The following PLCH1 variants were observed in gnomAD, a reference collection of about 807,000 sequenced individuals.
The protein encoded by PLCH1 is phospholipase C eta 1.
PLCH1 carries 60 observed loss-of-function variants against 126.7 expected under a neutral mutation model. The ratio of observed to expected loss-of-function variants is 0.47; its 90% confidence interval spans 0.38 to 0.59. PLCH1 has a LOEUF of 0.59. Among genes scored for constraint, PLCH1 ranks in the 20% least tolerant of loss-of-function variants. PLCH1 has a pLI of 0.00. For missense variants in PLCH1, 1,723 were observed against 2,040.0 expected (o/e 0.84, Z 2.99); for synonymous variants, 719 against 734.9 (o/e 0.98, Z 0.35).
At chr3:155,567,874 C>A (rs983309097) in intron 7 of PLCH1, among the ~76,000 whole-genome samples, 6 of 152,138 alleles carry the variant, frequency 3.9e-5, no homozygotes, top group Non-Finnish European at 8.8e-5. Context: ...AGTCACTAGT[C>A]TCAGGGATAA....
chr3:155,717,864 A>G (rs1358119781), intron 1 of PLCH1, among the ~76,000 whole-genome samples: 1 of 152,086 alleles, frequency 6.6e-6, no homozygotes, highest in Non-Finnish European at 1.5e-5. Context: ...TTGCTCCCCA[A>G]CCTGCTTGAA....
At chr3:155,542,216 G>A (rs191711855) in intron 10 of PLCH1, among the ~76,000 whole-genome samples, 219 of 152,290 alleles carry the variant, frequency 1.4e-3, no homozygotes, top group African/African-American at 5.1e-3. Flanking sequence ...TTAAAAAACG[G>A]CGCACCAGGA....
chr3:155,592,625 G>A (rs772263148), intron 4 of PLCH1, among the ~76,000 whole-genome samples: 2 of 152,164 alleles, frequency 1.3e-5, no homozygotes, highest in South Asian at 2.1e-4. Context: ...AAGCCAACAC[G>A]GTGAGAATGG....
intron 2 of PLCH1, among the ~76,000 whole-genome samples, chr3:155,699,822 T>TCTCACACACACACACACACA (rs1553760148): frequency 6.8e-6 from 1 of 147,680 alleles, no homozygotes; most frequent in Admixed American, 6.7e-5. Flanking sequence ...CTGTGACCAT[T>TCTCACACACACACACACACA]CACACACACA....
chr3:155,569,476 G>A (rs571999843), intron 6 of PLCH1, among the ~76,000 whole-genome samples: 2 of 152,196 alleles, frequency 1.3e-5, no homozygotes, highest in African/African-American at 4.8e-5. Context: ...AAACTAGCAT[G>A]GTGGCTGATG....
At chr3:155,628,821 G>A (rs1033397145) in intron 2 of PLCH1, among the ~76,000 whole-genome samples, 11 of 152,170 alleles carry the variant, frequency 7.2e-5, no homozygotes, top group Admixed American at 2.6e-4. Context: ...TTGTTGAGGC[G>A]TTTTCTTGTC....
chr3:155,706,691 G>C (rs182196830), intron 1 of PLCH1, among the ~76,000 whole-genome samples: 2 of 151,800 alleles, frequency 1.3e-5, no homozygotes, highest in East Asian at 1.9e-4. Flanking sequence ...ACCTTCCCTT[G>C]AGTATGGGCT....
At chr3:155,451,955 A>G (rs931220109) in intron 21 of PLCH1, among the ~76,000 whole-genome samples, 1 of 152,134 alleles carries the variant, frequency 6.6e-6, no homozygotes, top group Admixed American at 6.6e-5. Context: ...CTCAGTCCCC[A>G]TAATCACATC....
chr3:155,615,126 C>T (rs984992892), intron 2 of PLCH1, among the ~76,000 whole-genome samples: 1 of 152,036 alleles, frequency 6.6e-6, no homozygotes, highest in Non-Finnish European at 1.5e-5. Context: ...TGGGTAAGGA[C>T]ATGAAAAGGC....
intron 7 of PLCH1, among the ~76,000 whole-genome samples, chr3:155,566,340 CACATATATAT>C (rs1220078181): frequency 1.2e-4 from 1 of 8,502 alleles, no homozygotes; most frequent in Non-Finnish European, 3.5e-4. Flanking sequence ...CGTATATATA[CACATATATAT>C]ACATATATAT....
At chr3:155,543,539 G>A (rs1397296985) in intron 10 of PLCH1, among the ~76,000 whole-genome samples, 1 of 152,110 alleles carries the variant, frequency 6.6e-6, no homozygotes, top group Admixed American at 6.5e-5. Flanking sequence ...TACAGAGAAC[G>A]CCATAAAGAT....
chr3:155,514,704 A>G lies in PLCH1; in HGVS notation c.1632+19T>C. The G allele has an allele frequency of 1.3e-6, 2 of 1,498,962 alleles. No homozygotes were observed. Among genetic ancestry groups the G allele is most frequent in the Non-Finnish European group, 1.8e-6 (2 of 1,112,410 alleles). 92.9% of individuals were successfully genotyped at this position (1,498,962 alleles called of 1,614,324 possible). ...TTTTTTTTCCTGTTGAAGGATAAGT[A>G]CAAGAGGGAATCAGATACCTGCTTC... On this transcript the variant is annotated intron_variant, in intron 12 of 22. Transcript: ENST00000460012.
chr3:155,519,598 A>C (rs1283529860), intron 11 of PLCH1, among the ~76,000 whole-genome samples: 1 of 151,898 alleles, frequency 6.6e-6, no homozygotes, highest in East Asian at 1.9e-4. Flanking sequence ...TGCACTACAC[A>C]TTGCAATCAC....
Position 155,655,253 on chromosome 3 carries a change from T to C in PLCH1, c.79+48893A>G, listed in dbSNP as rs1437922067. ...GAGTTCAAGACCAGCCTGAGCAATA[T>C]GGCAAAGCCCCGTCTCTACCAAAAA... is the stretch of plus-strand genomic sequence containing the variant. On this transcript the variant is annotated intron_variant, in intron 2 of 22. Coordinates refer to ENST00000460012, the MANE Select transcript of PLCH1 (RefSeq NM_014996.4). Among the ~76,000 whole-genome samples, 2 of 152,094 alleles carry C rather than the reference T, an allele frequency of 1.3e-5. 1 individual carries two copies. The highest frequency in any genetic ancestry group is 4.2e-4 in the South Asian group (2 of 4,816).
chr3:155,667,954 G>A (rs576028642), intron 2 of PLCH1, among the ~76,000 whole-genome samples: 25 of 149,038 alleles, frequency 1.7e-4, no homozygotes, highest in South Asian at 4.3e-4. Flanking sequence ...GAGTGGTGGC[G>A]TGTGCCTGTA....
Position 155,482,417 on chromosome 3 carries a change from G to A in PLCH1, c.3609C>T (p.Leu1203=), listed in dbSNP as rs757963655. Residue 1203 remains leucine (L), a synonymous_variant, in exon 23 of 23, where the codon CTC becomes CTT. Coordinates refer to ENST00000460012, the MANE Select transcript of PLCH1 (RefSeq NM_014996.4). ...GQFDETNNQA[L]TVVSHLHNTS... ...TATTATGAAGATGAGAAACAACTGTGAGAGCCTGATTGTTGGTCTCATCAA... is the reference window on the plus strand; with the variant it reads ...TATTATGAAGATGAGAAACAACTGTAAGAGCCTGATTGTTGGTCTCATCAA... 148 of 1,614,062 alleles carry A rather than the reference G, an allele frequency of 9.2e-5. 3 individuals carry two copies. The South Asian group carries it at 1.5e-3, about 16-fold the overall frequency.
chr3:155,470,133 A>G (rs1162178455), intron 21 of PLCH1, among the ~76,000 whole-genome samples: 1 of 151,720 alleles, frequency 6.6e-6, no homozygotes, highest in Non-Finnish European at 1.5e-5. Flanking sequence ...ACTCTGAGCT[A>G]CGGGATGACA....
chr3:155,572,147 T>C (rs968036381), intron 6 of PLCH1, among the ~76,000 whole-genome samples: 4 of 152,220 alleles, frequency 2.6e-5, no homozygotes, highest in Non-Finnish European at 5.9e-5. Flanking sequence ...TTCCTTCTGG[T>C]TGGGTTCTGG....
intron 2 of PLCH1, among the ~76,000 whole-genome samples, chr3:155,600,520 C>A (rs1733573426): frequency 6.6e-6 from 1 of 151,722 alleles, no homozygotes; most frequent in Admixed American, 6.6e-5. Context: ...TCTGCAAATG[C>A]AGGTTACAAA....
Sources: gnomAD v4.1 joint callset for allele counts (sites outside exome capture counted in the v4.1 genomes callset) on GRCh38, gnomAD v4.1.1 for gene constraint, MANE v1.5 for transcripts, NCBI Gene and HGNC (gene_info 2026-07-23, HGNC 2026-07-21) for gene names.